MCAM: variants seen among roughly 807,000 people sequenced by gnomAD.
The protein encoded by MCAM is cell surface glycoprotein MUC18.
Under a neutral mutation model 79.1 loss-of-function variants are expected in MCAM, and 55 were observed. The ratio of observed to expected loss-of-function variants is 0.70; its 90% confidence interval spans 0.56 to 0.87. The LOEUF is 0.87. Ranked by LOEUF, MCAM falls within the 40% of genes least tolerant of loss-of-function variation. MCAM has a pLI of 0.00. For missense variants in MCAM, 745 were observed against 839.8 expected (o/e 0.89, Z 1.40); for synonymous variants, 330 against 339.8 (o/e 0.97, Z 0.32).
At chr11:119,313,396 ATTTTTTT>A (rs747407625) in intron 5 of MCAM, 1 of 790,794 alleles carries the variant, frequency 1.3e-6, no homozygotes, top group Non-Finnish European at 1.7e-6. Context: ...ACTACTGATA[ATTTTTTT>A]TTTTTTTTTT....
At position 119,311,706 on chromosome 11, in the gene MCAM, C is replaced by T; in HGVS notation, c.1286-55G>A. On this transcript the variant is annotated intron_variant, in intron 10 of 15. Transcript: ENST00000264036. This position sits in a 1 kb window ranked among gnomAD's most constrained non-coding sequence, Gnocchi z 4.4. ...AAGCCCAGCTAGCCTGCCTCCCCCT[C>T]CGCACCAGAGCTCCCCAGGGCAGCA... 3.1e-6 allele frequency: 5 copies of T among 1,611,904 alleles called. No homozygotes were observed. The highest frequency in any genetic ancestry group is 3.4e-6 in the Non-Finnish European group (4 of 1,178,594).
In MCAM at chr11:119,316,851, G is replaced by C. The variant is rs1167265079; in HGVS notation, c.67+184C>G. On this transcript the variant is annotated intron_variant, in intron 1 of 15. Transcript: ENST00000264036. This position sits in a 1 kb window ranked among gnomAD's most constrained non-coding sequence, Gnocchi z 4.8. The stretch of plus-strand genomic sequence containing the variant: ...TGCTCCCGGGATACTCTAGAATCCC[G>C]GCTGCAAACTGGCTGCAAAGAAGAG... The C allele has an allele frequency of 9.1e-6, 5 of 547,392 alleles. No homozygotes were observed. The highest frequency in any genetic ancestry group is 1.3e-5 in the Non-Finnish European group (4 of 312,196). The allele number at this position is 547,392 out of a possible 1,614,324, so 33.9% of individuals were successfully genotyped here. A position where few individuals can be genotyped will look rare whatever the true frequency, so the allele number is the denominator to read the frequency against.
At position 119,309,696 on chromosome 11, in the gene MCAM, C is replaced by T. The variant is rs1402151325; in HGVS notation, c.*190G>A. ...TGGAGGAGATGGTGGTGGACTGGTC[C>T]CTGAAAAGCGGGCCTTGCAGGGCCA... On this transcript the variant is annotated 3_prime_UTR_variant, in exon 16 of 16. Coordinates refer to ENST00000264036, the MANE Select transcript of MCAM (RefSeq NM_006500.3). 2.3e-5 allele frequency: 14 copies of T among 615,864 alleles called. No homozygotes were observed. The highest frequency in any genetic ancestry group is 9.3e-5 in the African/African-American group (5 of 53,938). 38.1% of individuals were successfully genotyped at this position (615,864 alleles called of 1,614,324 possible). A position where few individuals can be genotyped will look rare whatever the true frequency, so the allele number is the denominator to read the frequency against.
rs1168981214 is a variant in MCAM at position 119,311,879 on chromosome 11, T to C, written c.1214A>G (p.Tyr405Cys). The C allele has an allele frequency of 1.2e-6, 2 of 1,614,088 alleles. No individual in the cohort carries two copies. Among genetic ancestry groups the C allele is most frequent in the Admixed American group, 1.7e-5 (1 of 60,022 alleles). ...GCTGGGCACAGACGCCACGCAGCGA[T>C]AGCCGCCTCCTGCCTCCCGTTTCAG... ...HDLKREAGGGYRCVASVPSIP... is the reference protein window; with the variant it reads ...HDLKREAGGGCRCVASVPSIP... The change falls in exon 10 of 16, where the codon TAT becomes TGT. Residue 405 changes from tyrosine to cysteine, a missense_variant. By Grantham distance (194) the Tyr-to-Cys change is radical (BLOSUM62 -2). Transcript: ENST00000264036. This position sits in a 1 kb window ranked among gnomAD's most constrained non-coding sequence, Gnocchi z 4.4.
Position 119,312,947 on chromosome 11 carries a change from C to A in MCAM, c.562G>T (p.Val188Phe). ...ACAGTCTGGGACGACTGAATGTGGACCCCTGGGCAGGGAGGAAGGGGAGGA... is the reference window on the plus strand; with the variant it reads ...ACAGTCTGGGACGACTGAATGTGGAACCCTGGGCAGGGAGGAAGGGGAGGA... ...GRPLKEEKNRVHIQSSQTVES... is the reference protein window; with the variant it reads ...GRPLKEEKNRFHIQSSQTVES... Residue 188 changes from valine to phenylalanine, a missense_variant and splice_region_variant, in exon 6 of 16, where the codon GTC becomes TTC. Transcript: ENST00000264036. The surrounding 1 kb of genome is among the most constrained non-coding windows in gnomAD (Gnocchi z 4.9). 6.2e-7 allele frequency: 1 copy of A among 1,613,920 alleles called. No individual in the cohort carries two copies. The highest frequency in any genetic ancestry group is 8.5e-7 in the Non-Finnish European group (1 of 1,180,024).
In MCAM at chr11:119,309,240, G is replaced by C. The variant is rs537227497; in HGVS notation, c.*646C>G. The C allele has an allele frequency of 2.0e-5, 3 of 152,634 alleles. No individual in the cohort carries two copies. The highest frequency in any genetic ancestry group is 7.2e-5 in the African/African-American group (3 of 41,448). 9.5% of individuals were successfully genotyped at this position (152,634 alleles called of 1,614,324 possible). On this transcript the variant is annotated 3_prime_UTR_variant, in exon 16 of 16. Coordinates refer to ENST00000264036, the MANE Select transcript of MCAM (RefSeq NM_006500.3). Reference sequence around the variant, plus strand: ...CCCGCCTCGGCCTCCCAAAGTGCTGGGATTACAGGCGTGAGCCACCACACC... The same window carrying C: ...CCCGCCTCGGCCTCCCAAAGTGCTGCGATTACAGGCGTGAGCCACCACACC...
At position 119,314,939 on chromosome 11, in the gene MCAM, C is replaced by T. The variant is rs1235060512; in HGVS notation, c.294G>A (p.Gly98=). ...TGACTTGAGTCAGGGCCAGAGTAGC[C>T]CCTCTGTCCTGGAGGCTGAGCCGCT... ...YEQRLSLQDR[G]ATLALTQVTP... is the part of the protein sequence containing the mutation. The change falls in exon 3 of 16, where the codon GGG becomes GGA. Residue 98 remains glycine (G), a synonymous_variant. Coordinates refer to ENST00000264036, the MANE Select transcript of MCAM (RefSeq NM_006500.3). 1.2e-6 allele frequency: 2 copies of T among 1,612,978 alleles called. No individual in the cohort carries two copies. Among genetic ancestry groups the T allele is most frequent in the South Asian group, 2.2e-5 (2 of 91,082 alleles).
At position 119,311,636 on chromosome 11, in the gene MCAM, G is replaced by T; in HGVS notation, c.1301C>A (p.Ala434Glu). ...CACCCACACCTTCCTCTCCTTGAAT[G>T]CCATCCAAGGGGGGCCTTGGGGAGG... ...NVAIFGPPWM[A>E]FKERKVWVKE... The change falls in exon 11 of 16, where the codon GCA (alanine) becomes GAA (glutamate). Residue 434 changes from alanine to glutamate, a missense_variant. Ala to Glu is a moderately radical substitution (Grantham distance 107). Coordinates refer to ENST00000264036, the MANE Select transcript of MCAM (RefSeq NM_006500.3). This position sits in a 1 kb window ranked among gnomAD's most constrained non-coding sequence, Gnocchi z 4.4. 6.2e-7 allele frequency: 1 copy of T among 1,614,098 alleles called. No individual in the cohort carries two copies. The highest frequency in any genetic ancestry group is 8.5e-7 in the Non-Finnish European group (1 of 1,180,004).
rs780869883 is a variant in MCAM at position 119,312,971 on chromosome 11, G to A, written c.560-22C>T. 5 of 1,613,586 alleles carry A rather than the reference G, an allele frequency of 3.1e-6. No homozygotes were observed. Among genetic ancestry groups the A allele is most frequent in the East Asian group, 2.2e-5 (1 of 44,896 alleles). ...ACCCCTGGGCAGGGAGGAAGGGGAG[G>A]AAGACTCAGCCTCAGCCCCACCTCC... is the stretch of plus-strand genomic sequence containing the variant. On this transcript the variant is annotated intron_variant, in intron 5 of 15. Transcript: ENST00000264036. This position sits in a 1 kb window ranked among gnomAD's most constrained non-coding sequence, Gnocchi z 4.9.
Position 119,312,024 on chromosome 11 carries a change from G to T in MCAM, c.1143+28C>A. ...ACCGCCAGCCCCACCCACCCCATCA[G>T]CCCCTTGCCCCAGACCCGCCTGGGT... On this transcript the variant is annotated intron_variant, in intron 9 of 15. Transcript: ENST00000264036. This position sits in a 1 kb window ranked among gnomAD's most constrained non-coding sequence, Gnocchi z 4.9. 1 of 1,469,820 alleles carries T rather than the reference G, an allele frequency of 6.8e-7. No homozygotes were observed. 91.0% of individuals were successfully genotyped at this position (1,469,820 alleles called of 1,614,324 possible).
rs764818809 is a variant in MCAM at position 119,308,565 on chromosome 11, A to G, written c.*1321T>C. Reference sequence around the variant, plus strand: ...ATTAAGCTTTATTTTTCATATATATATATATTTTCATATATATATATACAT... The same window carrying G: ...ATTAAGCTTTATTTTTCATATATATGTATATTTTCATATATATATATACAT... On this transcript the variant is annotated 3_prime_UTR_variant, in exon 16 of 16. Transcript: ENST00000264036. 1.1e-4 allele frequency: 16 copies of G among 150,230 alleles called. No individual in the cohort carries two copies. Among genetic ancestry groups the G allele is most frequent in the East Asian group, 1.9e-4 (1 of 5,166 alleles). 9.3% of individuals were successfully genotyped at this position (150,230 alleles called of 1,614,324 possible). A position where few individuals can be genotyped will look rare whatever the true frequency, so the allele number is the denominator to read the frequency against.
In MCAM at chr11:119,315,916, C is replaced by T. The variant is rs982599733; in HGVS notation, c.68-653G>A. On this transcript the variant is annotated intron_variant, in intron 1 of 15. Coordinates refer to ENST00000264036, the MANE Select transcript of MCAM (RefSeq NM_006500.3). This position sits in a 1 kb window ranked among gnomAD's most constrained non-coding sequence, Gnocchi z 4.4. ...GACGTCAGTGGTGCCAGCGTGCTGC[C>T]AGCCCTGTGAGGAGGTGATGTCACT... 1 of 153,574 alleles carries T rather than the reference C, an allele frequency of 6.5e-6. No homozygotes were observed. The highest frequency in any genetic ancestry group is 2.4e-5 in the African/African-American group (1 of 41,476). The allele number at this position is 153,574 out of a possible 1,614,324, so 9.5% of individuals were successfully genotyped here.
At position 119,312,249 on chromosome 11, in the gene MCAM, G is replaced by C. The variant is rs1950245287; in HGVS notation, c.1024+17C>G. On this transcript the variant is annotated intron_variant, in intron 8 of 15. Transcript: ENST00000264036. This position sits in a 1 kb window ranked among gnomAD's most constrained non-coding sequence, Gnocchi z 4.9. ...GCCCCAGCCTGGTCCCCCTGTCCTG[G>C]GTCCCCAGCCCCTCACAGTTCACCA... 1.2e-6 allele frequency: 2 copies of C among 1,613,610 alleles called. No homozygotes were observed. The highest frequency in any genetic ancestry group is 1.7e-6 in the Non-Finnish European group (2 of 1,179,678).
intron 5 of MCAM, chr11:119,313,351 A>G: frequency 2.4e-6 from 3 of 1,276,056 alleles, no homozygotes; most frequent in Non-Finnish European, 3.1e-6. Context: ...AACAATGTAT[A>G]CCATACACCA....
intron 5 of MCAM, chr11:119,313,192 A>T (rs1277880859): frequency 8.8e-6 from 13 of 1,477,136 alleles, no homozygotes; most frequent in Admixed American, 2.0e-5. Context: ...CTGCAATGAT[A>T]AAAACGAGCA....
rs957533794 is a variant in MCAM, at chr11:119,309,576, C to T, written c.*310G>A. ...CTGGCAGGAGCCAGGTATTTACAGC[C>T]ATAATGTGTGTAAAGAAAAAACACG... On this transcript the variant is annotated 3_prime_UTR_variant, in exon 16 of 16. Transcript: ENST00000264036. 6.8e-6 allele frequency: 3 copies of T among 438,722 alleles called. No individual in the cohort carries two copies. Among genetic ancestry groups the T allele is most frequent in the Non-Finnish European group, 4.1e-6 (1 of 241,574 alleles). 27.2% of individuals were successfully genotyped at this position (438,722 alleles called of 1,614,324 possible). A position where few individuals can be genotyped will look rare whatever the true frequency, so the allele number is the denominator to read the frequency against.
In MCAM at chr11:119,315,282, GC is replaced by G. The variant is rs761587581; in HGVS notation, c.68-20del. The G allele has an allele frequency of 5.0e-6, 8 of 1,600,074 alleles. No homozygotes were observed. The highest frequency in any genetic ancestry group is 2.1e-4 in the Middle Eastern group (1 of 4,746). ...GGCACACCTGGGGGAGGGAGGCGGG[GC>G]CCCCGCAGCTGTGTCAGCTCCGGCT... On this transcript the variant is annotated intron_variant, in intron 1 of 15. Coordinates refer to ENST00000264036, the MANE Select transcript of MCAM (RefSeq NM_006500.3). The surrounding 1 kb of genome is among the most constrained non-coding windows in gnomAD (Gnocchi z 4.4).
rs369988600 is a variant in MCAM at position 119,311,414 on chromosome 11, T to C, written c.1415A>G (p.Glu472Gly). 1 of 1,613,914 alleles carries C rather than the reference T, an allele frequency of 6.2e-7. No individual in the cohort carries two copies. The highest frequency in any genetic ancestry group is 8.5e-7 in the Non-Finnish European group (1 of 1,179,966). Residue 472 changes from glutamate (E) to glycine (G), a missense_variant, in exon 12 of 16, where the codon GAA becomes GGA. Coordinates refer to ENST00000264036, the MANE Select transcript of MCAM (RefSeq NM_006500.3). This position sits in a 1 kb window ranked among gnomAD's most constrained non-coding sequence, Gnocchi z 4.4. ...ISWNVNGTAS[E>G]QDQDPQRVLS... ...GACTCGCTGTGGATCTTGGTCTTGT[T>C]CACTTGCCTGCGAGGAAAGGAAGGA... is the stretch of plus-strand genomic sequence containing the variant.
intron 14 of MCAM, 27 bp downstream of exon 14, chr11:119,310,729 G>C: frequency 1.2e-6 from 2 of 1,607,476 alleles, no homozygotes; most frequent in Non-Finnish European, 1.7e-6. Context: ...AAACGGGCGG[G>C]GGCGGAGGGG....
Sources: allele counts gnomAD v4.1 joint callset, GRCh38; gene constraint gnomAD v4.1.1; non-coding constraint Gnocchi (gnomAD v3.1); transcripts MANE v1.5; gene names NCBI Gene and HGNC (gene_info 2026-07-23, HGNC 2026-07-21).